Variants in CALB2 observed in about 807,000 individuals in gnomAD.
The protein encoded by CALB2 is calbindin 2, also known as calretinin.
In CALB2, 34 loss-of-function variants were observed where a neutral mutation model predicts 45.9. The observed-to-expected ratio is 0.74, with a 90% CI of 0.56 to 0.99. The LOEUF (loss-of-function observed/expected upper bound fraction) is 0.99. Ranked by LOEUF, CALB2 falls within the 50% of genes least tolerant of loss-of-function variation. CALB2 has a pLI of 0.00. For missense variants in CALB2, 344 were observed against 339.3 expected, an observed-to-expected ratio of 1.01 and a Z score of -0.11; for synonymous variants, 142 against 129.6, an observed-to-expected ratio of 1.10 and a Z score of -0.65.
At position 71,383,060 on chromosome 16, in the gene CALB2, C is replaced by T. The variant is rs569688207; in HGVS notation, c.399+285C>T. On this transcript the variant is annotated intron_variant, in intron 5 of 10. Coordinates refer to ENST00000302628, the MANE Select transcript of CALB2 (RefSeq NM_001740.5). ...ATTGGCCTCTGGCTCCTAGGTCCAC[C>T]TCCAAATTCCTCTGGCTATCACCCA... Among the ~76,000 whole-genome samples the T allele has an allele frequency of 3.9e-5, 6 of 152,286 alleles. No individual in the cohort carries two copies. In the South Asian group the frequency reaches 1.2e-3, roughly 32 times the overall value.
intron 4 of CALB2, among the ~76,000 whole-genome samples, chr16:71,379,652 C>T (rs1486252417): frequency 6.6e-6 from 1 of 152,194 alleles, no homozygotes; most frequent in African/African-American, 2.4e-5. Flanking sequence ...TGGCCTTCGA[C>T]GTGACTCTCT....
chr16:71,374,729 CTT>C lies in CALB2; in HGVS notation c.172-14_172-13del. 6.3e-7 allele frequency: 1 copy of C among 1,582,536 alleles called. No individual in the cohort carries two copies. The highest frequency in any genetic ancestry group is 8.7e-7 in the Non-Finnish European group (1 of 1,151,720). On this transcript the variant is annotated splice_polypyrimidine_tract_variant and intron_variant, in intron 2 of 10. Coordinates refer to ENST00000302628, the MANE Select transcript of CALB2 (RefSeq NM_001740.5). ...AGATACAGCAGCAAAAATCAGCCCC[CTT>C]TGTCTTTCCACAGATGTCAAAGAGT...
intron 1 of CALB2, among the ~76,000 whole-genome samples, chr16:71,363,745 T>G (rs188215094): frequency 3.3e-5 from 5 of 152,312 alleles, no homozygotes; most frequent in Non-Finnish European, 1.5e-5. Context: ...ACAAAATATG[T>G]GATGTATATT....
chr16:71,381,109 T>A (rs374675875), intron 4 of CALB2, among the ~76,000 whole-genome samples: 1 of 152,216 alleles, frequency 6.6e-6, no homozygotes, highest in Admixed American at 6.5e-5. Context: ...CTTCAGGTTA[T>A]TGCCCTTTTA....
intron 3 of CALB2, among the ~76,000 whole-genome samples, chr16:71,375,532 C>T (rs1018395110): frequency 1.3e-5 from 2 of 152,102 alleles, no homozygotes; most frequent in African/African-American, 4.8e-5. Context: ...AACAAAACCC[C>T]ATCTTTACAA....
In CALB2 at chr16:71,362,626, T is replaced by C. The variant is rs182344783; in HGVS notation, c.94+3740T>C. 2.2e-4 allele frequency among the ~76,000 whole-genome samples: 33 copies of C among 152,318 alleles called. No homozygotes were observed. The East Asian group carries it at 3.1e-3, about 14-fold the overall frequency. ...GCGAAGTGAAGCTTTTGTAGTGACATGGAAAAATGTCCAAGATGTATTATT... is the reference window on the plus strand; with the variant it reads ...GCGAAGTGAAGCTTTTGTAGTGACACGGAAAAATGTCCAAGATGTATTATT... On this transcript the variant is annotated intron_variant, in intron 1 of 10. Coordinates refer to ENST00000302628, the MANE Select transcript of CALB2 (RefSeq NM_001740.5).
intron 4 of CALB2, 52 bp from the exon 5 acceptor site, chr16:71,382,667 G>T: frequency 6.3e-7 from 1 of 1,577,816 alleles, no homozygotes; most frequent in Non-Finnish European, 8.7e-7. Flanking sequence ...GAAGGGAGGT[G>T]GGTAGATTTT....
At chr16:71,372,004 C>T (rs1172160312) in intron 1 of CALB2, 149 bp from the exon 2 acceptor site, 2 of 634,370 alleles carry the variant, frequency 3.2e-6, no homozygotes, top group Non-Finnish European at 2.8e-6. Flanking sequence ...GCCCTGAGGG[C>T]TGGACCCACA....
At chr16:71,372,094 A>G in intron 1 of CALB2, 59 bp from the exon 2 acceptor site, 1 of 1,058,714 alleles carries the variant, frequency 9.4e-7, no homozygotes, top group Non-Finnish European at 1.4e-6. Context: ...CGACATGCCC[A>G]CCCCGTGCCC....
In CALB2 at chr16:71,382,776, G is replaced by C; in HGVS notation, c.399+1G>C. ...CTACATCGAAGCCAATGAGCTCAAG[G>C]TAGGATGGGCCTTGGGGAGGGTGTG... On this transcript the variant is annotated splice_donor_variant, in intron 5 of 10. Transcript: ENST00000302628. LOFTEE classifies it high-confidence loss of function. 6.2e-7 allele frequency: 1 copy of C among 1,610,718 alleles called. No individual in the cohort carries two copies. Among genetic ancestry groups the C allele is most frequent in the Non-Finnish European group, 8.5e-7 (1 of 1,178,476 alleles).
chr16:71,365,873 C>T (rs997733559), intron 1 of CALB2, among the ~76,000 whole-genome samples: 2 of 151,870 alleles, frequency 1.3e-5, no homozygotes, highest in Non-Finnish European at 2.9e-5. Flanking sequence ...AAAACACCCC[C>T]TTCCCCCCAT....
At chr16:71,377,022 C>A (rs1350945629) in intron 3 of CALB2, among the ~76,000 whole-genome samples, 1 of 152,176 alleles carries the variant, frequency 6.6e-6, no homozygotes, top group Non-Finnish European at 1.5e-5. Context: ...GAGGCTCACA[C>A]TTCACCAACG....
At position 71,384,392 on chromosome 16, in the gene CALB2, T is replaced by TTCCTTCC; in HGVS notation, c.573+16_573+22dup. ...CTTAAATTTCAGGTAAAACTTTGCT[T>TTCCTTCC]TCCTTCCTTCCCCCTTCCCTCATCC... On this transcript the variant is annotated intron_variant, in intron 8 of 10. Transcript: ENST00000302628. The TTCCTTCC allele has an allele frequency of 6.3e-7, 1 of 1,585,102 alleles. No homozygotes were observed. Among genetic ancestry groups the TTCCTTCC allele is most frequent in the South Asian group, 1.1e-5 (1 of 89,952 alleles).
intron 4 of CALB2, 86 bp from the exon 5 acceptor site, chr16:71,382,633 T>C (rs1035582475): frequency 3.3e-5 from 42 of 1,277,058 alleles, no homozygotes; most frequent in Non-Finnish European, 1.3e-5. Context: ...ATCAAGACCC[T>C]GGGTGGCCCA....
In CALB2 at chr16:71,360,391, A is replaced by T. The variant is rs117676714; in HGVS notation, c.94+1505A>T. ...TACTGATGGAAGTGGGTAGATTGTT[A>T]AATCTGTAAAATGGGGCTAAGGAGG... is the stretch of plus-strand genomic sequence containing the variant. On this transcript the variant is annotated intron_variant, in intron 1 of 10. Transcript: ENST00000302628. Among the ~76,000 whole-genome samples, 7 of 152,292 alleles carry T rather than the reference A, an allele frequency of 4.6e-5. No homozygotes were observed. The East Asian group carries it at 9.6e-4, about 21-fold the overall frequency.
chr16:71,379,475 A>G (rs142302071), intron 4 of CALB2, among the ~76,000 whole-genome samples: 11 of 152,286 alleles, frequency 7.2e-5, no homozygotes, highest in African/African-American at 2.4e-4. Context: ...TGGAAATTCT[A>G]TGTGGTTCAA....
intron 1 of CALB2, among the ~76,000 whole-genome samples, chr16:71,368,124 G>A (rs2042308013): frequency 6.6e-6 from 1 of 152,116 alleles, no homozygotes; most frequent in African/African-American, 2.4e-5. Context: ...CTTATTATCT[G>A]TCCCCTGCCC....
chr16:71,369,452 G>A (rs1430931952), intron 1 of CALB2, among the ~76,000 whole-genome samples: 1 of 152,170 alleles, frequency 6.6e-6, no homozygotes, highest in Non-Finnish European at 1.5e-5. Flanking sequence ...GAAGGACCTG[G>A]TGCAAAACAG....
At chr16:71,375,660 G>C (rs1219790822) in intron 3 of CALB2, among the ~76,000 whole-genome samples, 1 of 152,250 alleles carries the variant, frequency 6.6e-6, no homozygotes, top group Non-Finnish European at 1.5e-5. Context: ...AGAGATTTGA[G>C]TGGAAGTGGC....
Sources: gnomAD v4.1 joint callset for allele counts (sites outside exome capture counted in the v4.1 genomes callset) on GRCh38, gnomAD v4.1.1 for gene constraint, MANE v1.5 for transcripts, NCBI Gene and HGNC (gene_info 2026-07-23, HGNC 2026-07-21) for gene names.